ANKDD1A: variants seen among roughly 807,000 people sequenced by gnomAD.
ANKDD1A encodes ankyrin repeat and death domain containing 1A.
ANKDD1A carries 59 observed loss-of-function variants against 63.5 expected under a neutral mutation model. The observed-to-expected ratio is 0.93, with a 90% CI of 0.75 to 1.15. The LOEUF (loss-of-function observed/expected upper bound fraction) is 1.15, where lower values mean the gene tolerates loss of function less well. Ranked by LOEUF, ANKDD1A falls within the 50% of genes most tolerant of loss-of-function variation. The probability of loss-of-function intolerance (pLI) is 0.00; values close to 1 mark genes in which losing one functional copy is unlikely to be tolerated. For missense variants in ANKDD1A, 632 were observed against 656.4 expected, an observed-to-expected ratio of 0.96 and a Z score of 0.41; for synonymous variants, 266 against 263.9, an observed-to-expected ratio of 1.01 and a Z score of -0.08.
intron 14 of ANKDD1A, among the ~76,000 whole-genome samples, chr15:64,951,847 C>A (rs111065569): frequency 0.55 from 62,947 of 113,624 alleles, 14,737 homozygotes; most frequent in East Asian, 0.86. Context: ...ATTCTTTCTT[C>A]TTCTTTCTTC....
At chr15:64,944,893 C>A in intron 12 of ANKDD1A, 146 bp downstream of exon 12, 1 of 751,532 alleles carries the variant, frequency 1.3e-6, no homozygotes, top group Non-Finnish European at 2.1e-6. Flanking sequence ...TATGTTACCA[C>A]AGTTGTTTGT....
At chr15:64,919,119 G>A (rs1021830279) in intron 3 of ANKDD1A, among the ~76,000 whole-genome samples, 6 of 152,180 alleles carry the variant, frequency 3.9e-5, no homozygotes, top group African/African-American at 1.4e-4. Context: ...TATGCCGCAG[G>A]ACTCTGGCCT....
intron 6 of ANKDD1A, 48 bp from the exon 7 acceptor site, chr15:64,930,774 C>G (rs1198604422): frequency 6.4e-7 from 1 of 1,568,040 alleles, no homozygotes; most frequent in African/African-American, 1.3e-5. Flanking sequence ...GTCTGTGATT[C>G]TGGGACTCTC....
intron 14 of ANKDD1A, among the ~76,000 whole-genome samples, chr15:64,953,513 TTCTCCTTCTTCCTTCTTCTCC>T (rs1301573550): frequency 4.9e-4 from 18 of 36,442 alleles, no homozygotes; most frequent in African/African-American, 1.2e-3. Context: ...CTCCTCTTCC[TTCTCCTTCTTCCTTCTTCTCC>T]TCTCCTTCTT....
intron 14 of ANKDD1A, among the ~76,000 whole-genome samples, chr15:64,954,458 CTCT>C (rs1460529518): frequency 5.9e-5 from 7 of 119,070 alleles, no homozygotes; most frequent in Admixed American, 5.9e-4. Context: ...TTCTTCTTCC[CTCT>C]TCTCCTTCTT....
intron 13 of ANKDD1A, among the ~76,000 whole-genome samples, chr15:64,949,578 CAGG>C (rs1375818893): frequency 2.0e-5 from 3 of 152,192 alleles, no homozygotes; most frequent in African/African-American, 4.8e-5. Context: ...AGTGGGTGTT[CAGG>C]AGAAGGCCTG....
At chr15:64,931,041 G>A in intron 7 of ANKDD1A, 121 bp downstream of exon 7, 1 of 1,011,102 alleles carries the variant, frequency 9.9e-7, no homozygotes, top group Non-Finnish European at 1.4e-6. Flanking sequence ...ATCTCGAACT[G>A]AGAGCCCACC....
chr15:64,952,639 TCTTCTC>T (rs1409590879), intron 14 of ANKDD1A, among the ~76,000 whole-genome samples: 36 of 8,630 alleles, frequency 4.2e-3, no homozygotes, highest in African/African-American at 5.9e-3. Flanking sequence ...TTTTCTTTCT[TCTTCTC>T]CTTCTCCTTC....
In ANKDD1A at chr15:64,951,364, CTCTT is replaced by C. The variant is rs1291960495; in HGVS notation, c.1483+1397_1483+1400del. 2.4e-3 allele frequency: 1,196 copies of C among 499,844 alleles called. 15 individuals are homozygous for C. The African/African-American group carries it at 0.026, about 11-fold the overall frequency. 31.0% of individuals were successfully genotyped at this position (499,844 alleles called of 1,614,324 possible). A position where few individuals can be genotyped will look rare whatever the true frequency, so the allele number is the denominator to read the frequency against. On this transcript the variant is annotated intron_variant, in intron 14 of 14. Coordinates refer to ENST00000319580, the MANE Select transcript of ANKDD1A (RefSeq NM_182703.6). ...TCTTCTTTCCTCTTCTTTCTTCTTC[CTCTT>C]TCTTCTTTCTTTTTCTTTTCTTCTT...
chr15:64,944,706 G>C lies in ANKDD1A; in HGVS notation c.1120G>C (p.Asp374His). ...CCGCAGCAACCATGTCAGCCTGGTG[G>C]ACATGATCATAAAAGCTGATCGTTT... ...AVRSNHVSLV[D>H]MIIKADRFYR... is the part of the protein sequence containing the mutation. The change falls in exon 12 of 15, where the codon GAC (aspartate) becomes CAC (histidine). Residue 374 changes from aspartate (D) to histidine (H), a missense_variant. By Grantham distance (81) the Asp-to-His change is moderately conservative (BLOSUM62 -1). Coordinates refer to ENST00000319580, the MANE Select transcript of ANKDD1A (RefSeq NM_182703.6). 6.2e-7 allele frequency: 1 copy of C among 1,614,160 alleles called. No individual in the cohort carries two copies. The highest frequency in any genetic ancestry group is 8.5e-7 in the Non-Finnish European group (1 of 1,180,020).
In ANKDD1A at chr15:64,934,268, A is replaced by G. The variant is rs372653050; in HGVS notation, c.867+34A>G. 4.4e-6 allele frequency: 7 copies of G among 1,583,082 alleles called. No individual in the cohort carries two copies. In the Admixed American group the frequency reaches 6.8e-5, roughly 15 times the overall value. On this transcript the variant is annotated intron_variant, in intron 9 of 14. Transcript: ENST00000319580. ...GGTGCGAGTGTTGAAGGGGGTCTCC[A>G]TTGCAAAGCCTTCCATGAGCACACT...
At chr15:64,955,337 G>T (rs888639305) in intron 14 of ANKDD1A, among the ~76,000 whole-genome samples, 1 of 152,226 alleles carries the variant, frequency 6.6e-6, no homozygotes, top group Non-Finnish European at 1.5e-5. Flanking sequence ...CTGTCCGGCA[G>T]AGTAGCTGCT....
At chr15:64,944,788 G>A in intron 12 of ANKDD1A, 41 bp downstream of exon 12, 1 of 1,596,446 alleles carries the variant, frequency 6.3e-7, no homozygotes, top group East Asian at 2.2e-5. Flanking sequence ...ATTGGAAAGG[G>A]AGTGATTTTG....
chr15:64,951,083 A>G (rs2085266032), intron 14 of ANKDD1A: 1 of 1,201,028 alleles, frequency 8.3e-7, no homozygotes, highest in Non-Finnish European at 1.1e-6. Context: ...GAAGATGACC[A>G]TCATTTAAGG....
At position 64,931,534 on chromosome 15, in the gene ANKDD1A, C is replaced by T. The variant is rs1487480200; in HGVS notation, c.717C>T (p.Asp239=). The T allele has an allele frequency of 3.7e-6, 6 of 1,614,042 alleles. No homozygotes were observed. In the African/African-American group the frequency reaches 4.0e-5, roughly 11 times the overall value. Residue 239 remains aspartate (D), a synonymous_variant, in exon 8 of 15, where the codon GAC becomes GAT. Transcript: ENST00000319580. ...LHSAAGGSHP[D]CVQLLLRAGS... is the part of the protein sequence containing the mutation. Reference sequence around the variant, plus strand: ...CGGCTGCTGGAGGATCCCACCCTGACTGTGTGCAGCTCCTCCTCAGGGCTG... The same window carrying T: ...CGGCTGCTGGAGGATCCCACCCTGATTGTGTGCAGCTCCTCCTCAGGGCTG...
rs751673166 is a variant in ANKDD1A at position 64,950,012 on chromosome 15, G to C, written c.1483+40G>C. ...TGCTGGGCTGCTTCTCAGGAGCTGG[G>C]TGGCCCCCACTGGAATGCAGCAGGG... On this transcript the variant is annotated intron_variant, in intron 14 of 14. Transcript: ENST00000319580. 2.5e-6 allele frequency: 4 copies of C among 1,597,758 alleles called. No homozygotes were observed. The South Asian group carries it at 4.4e-5, about 18-fold the overall frequency.
intron 14 of ANKDD1A, among the ~76,000 whole-genome samples, chr15:64,953,490 TCTTTAG>T (rs2085342236): frequency 7.2e-6 from 1 of 138,042 alleles, no homozygotes; most frequent in African/African-American, 2.6e-5. Flanking sequence ...TTCTCCTTCT[TCTTTAG>T]TTCTTCCTCC....
chr15:64,953,487 T>TC (rs2085342018), intron 14 of ANKDD1A, among the ~76,000 whole-genome samples: 2 of 34,410 alleles, frequency 5.8e-5, no homozygotes, highest in African/African-American at 6.5e-5. Flanking sequence ...TCCTTCTCCT[T>TC]CTTCTTTAGT....
chr15:64,919,052 G>A (rs1567109789), intron 3 of ANKDD1A, among the ~76,000 whole-genome samples: 1 of 152,198 alleles, frequency 6.6e-6, no homozygotes, highest in Non-Finnish European at 1.5e-5. Context: ...TGTAGTAATG[G>A]GGTTCGGGAG....
Sources: gnomAD v4.1 joint callset for allele counts (sites outside exome capture counted in the v4.1 genomes callset) on GRCh38, gnomAD v4.1.1 for gene constraint, MANE v1.5 for transcripts, NCBI Gene and HGNC (gene_info 2026-07-23, HGNC 2026-07-21) for gene names.